The following PPARGC1A variants were observed in gnomAD, a reference collection of about 807,000 sequenced individuals.
PPARGC1A encodes the protein PPARG coactivator 1 alpha, also known as peroxisome proliferator-activated receptor gamma coactivator 1-alpha.
Under a neutral mutation model 88.7 loss-of-function variants are expected in PPARGC1A, and 25 were observed. That is an observed-to-expected ratio of 0.28 (90% confidence interval 0.21 to 0.39). PPARGC1A has a LOEUF of 0.39. PPARGC1A is among the 10% of genes least tolerant of loss of function. The pLI, the probability that PPARGC1A is intolerant of heterozygous loss-of-function variation, is 1.00. For synonymous variants in PPARGC1A, 363 were observed against 355.6 expected (o/e 1.02, Z -0.24); for missense variants, 880 against 968.7 (o/e 0.91, Z 1.22).
intron 1 of PPARGC1A, among the ~76,000 whole-genome samples, chr4:23,896,740 C>T (rs941142337): frequency 2.0e-5 from 3 of 151,992 alleles, no homozygotes; most frequent in Non-Finnish European, 4.4e-5. Flanking sequence ...TTCATTTATA[C>T]AATAGTAAAT....
chr4:23,844,847 AT>A (rs1426456344), intron 2 of PPARGC1A, among the ~76,000 whole-genome samples: 8 of 123,802 alleles, frequency 6.5e-5, no homozygotes, highest in African/African-American at 2.1e-4. Context: ...TATGATATAT[AT>A]TATTATAATA....
the PPARGC1A span, among the ~76,000 whole-genome samples, chr4:23,962,996 G>T: frequency 1.3e-5 from 2 of 152,146 alleles, no homozygotes; most frequent in African/African-American, 4.8e-5. Context: ...TTCTCGCCAG[G>T]AATAAGCTGT....
the PPARGC1A span, among the ~76,000 whole-genome samples, chr4:24,275,684 T>C: frequency 3.3e-5 from 5 of 152,236 alleles, no homozygotes; most frequent in Non-Finnish European, 7.3e-5. Context: ...GTGATTCCTA[T>C]TAATGTTATC....
the PPARGC1A span, among the ~76,000 whole-genome samples, chr4:24,211,338 C>T: frequency 1.3e-5 from 2 of 152,230 alleles, no homozygotes; most frequent in Non-Finnish European, 2.9e-5. Flanking sequence ...CCAGAGACTT[C>T]AATATAGAAG....
At chr4:24,472,682 G>A in the PPARGC1A span, among the ~76,000 whole-genome samples, 1 of 151,946 alleles carries the variant, frequency 6.6e-6, no homozygotes, top group Non-Finnish European at 1.5e-5. The surrounding 1 kb of genome is among the most constrained non-coding windows in gnomAD (Gnocchi z 4.5). Flanking sequence ...CGCCGCCGCC[G>A]CCGCCGCTGC....
At chr4:23,821,277 C>T (rs941009053) in intron 7 of PPARGC1A, among the ~76,000 whole-genome samples, 2 of 152,084 alleles carry the variant, frequency 1.3e-5, no homozygotes, top group Non-Finnish European at 2.9e-5. Context: ...AATCTTTCCT[C>T]AACAATGAAA....
the PPARGC1A span, among the ~76,000 whole-genome samples, chr4:24,054,326 A>AC: frequency 1.3e-5 from 2 of 149,962 alleles, no homozygotes; most frequent in African/African-American, 4.9e-5. Context: ...AAAAAAAAAA[A>AC]CACTATATTT....
At chr4:24,033,114 T>A in the PPARGC1A span, among the ~76,000 whole-genome samples, 2 of 152,170 alleles carry the variant, frequency 1.3e-5, no homozygotes, top group Non-Finnish European at 2.9e-5. Flanking sequence ...AACAGACTAC[T>A]GGTTAAAACA....
chr4:23,867,064 A>ATC (rs1191006487), intron 2 of PPARGC1A, among the ~76,000 whole-genome samples: 4 of 152,290 alleles, frequency 2.6e-5, no homozygotes, highest in Non-Finnish European at 5.9e-5. Flanking sequence ...TTATAAATAA[A>ATC]TAAGAGGGTA....
At chr4:23,965,186 G>A in the PPARGC1A span, among the ~76,000 whole-genome samples, 221 of 152,260 alleles carry the variant, frequency 1.5e-3, no homozygotes, top group African/African-American at 5.2e-3. Context: ...CTCCAGTTGG[G>A]ATTAGAGAGG....
the PPARGC1A span, among the ~76,000 whole-genome samples, chr4:24,217,749 G>T: frequency 6.6e-6 from 1 of 152,148 alleles, no homozygotes; most frequent in Non-Finnish European, 1.5e-5. Flanking sequence ...GTTGCAGTGA[G>T]CCAAGAGTGT....
the PPARGC1A span, among the ~76,000 whole-genome samples, chr4:24,061,260 C>T: frequency 0.26 from 39,140 of 151,954 alleles, 5,535 homozygotes; most frequent in Non-Finnish European, 0.3. Context: ...GTTGGATTCA[C>T]GGTGCCGAAG....
the PPARGC1A span, among the ~76,000 whole-genome samples, chr4:24,052,767 TC>T: frequency 5.9e-5 from 9 of 151,854 alleles, no homozygotes; most frequent in South Asian, 1.9e-3. Context: ...TTAAATCTCT[TC>T]CTCTGAGTTA....
Position 23,793,361 on chromosome 4 carries a change from A to T in PPARGC1A, c.*2461T>A, listed in dbSNP as rs1180110024. 2 of 152,534 alleles carry T rather than the reference A, an allele frequency of 1.3e-5. No individual in the cohort carries two copies. The highest frequency in any genetic ancestry group is 2.9e-5 in the Non-Finnish European group (2 of 68,022). 9.4% of individuals were successfully genotyped at this position (152,534 alleles called of 1,614,324 possible). ...TGAACAAGTTCTTTCATTTCATAGT[A>T]TTTTTATTGCTTTCTATCTACTTAG... On this transcript the variant is annotated 3_prime_UTR_variant, in exon 13 of 13. Coordinates refer to ENST00000264867, the MANE Select transcript of PPARGC1A (RefSeq NM_013261.5).
In PPARGC1A at chr4:23,839,223, A is replaced by G. The variant is rs1726599237; in HGVS notation, c.235-7472T>C. On this transcript the variant is annotated intron_variant, in intron 2 of 12. Coordinates refer to ENST00000264867, the MANE Select transcript of PPARGC1A (RefSeq NM_013261.5). ...ATGTACTGTACACGTGAAATTCAGTATTCTGTAGAGGTTATAAGAGCCAGA... is the reference window on the plus strand; with the variant it reads ...ATGTACTGTACACGTGAAATTCAGTGTTCTGTAGAGGTTATAAGAGCCAGA... 2.6e-5 allele frequency among the ~76,000 whole-genome samples: 4 copies of G among 152,196 alleles called. 1 individual carries two copies. The South Asian group carries it at 8.3e-4, about 32-fold the overall frequency.
chr4:24,452,401 G>C, the PPARGC1A span, among the ~76,000 whole-genome samples: 2 of 152,172 alleles, frequency 1.3e-5, no homozygotes, highest in African/African-American at 2.4e-5. Flanking sequence ...AACAAAATGT[G>C]TTCTAATTGC....
At chr4:24,018,205 G>A in the PPARGC1A span, among the ~76,000 whole-genome samples, 5 of 152,088 alleles carry the variant, frequency 3.3e-5, no homozygotes, top group East Asian at 1.9e-4. Context: ...TACAAAATCC[G>A]TTGGGATTTA....
chr4:24,129,592 C>A, the PPARGC1A span, among the ~76,000 whole-genome samples: 1 of 152,090 alleles, frequency 6.6e-6, no homozygotes, highest in Non-Finnish European at 1.5e-5. Flanking sequence ...TGTGGCAATT[C>A]CTCAGGGATC....
chr4:24,400,535 T>C, the PPARGC1A span, among the ~76,000 whole-genome samples: 1 of 152,154 alleles, frequency 6.6e-6, no homozygotes, highest in South Asian at 2.1e-4. Flanking sequence ...CTCCCATATA[T>C]AGGAGATATA....
Sources: allele counts gnomAD v4.1 joint callset (sites outside exome capture counted in the v4.1 genomes callset), GRCh38; gene constraint gnomAD v4.1.1; non-coding constraint Gnocchi (gnomAD v3.1); transcripts MANE v1.5; gene names NCBI Gene and HGNC (gene_info 2026-07-23, HGNC 2026-07-21).